The following TBX20 variants were observed in gnomAD, a reference collection of about 807,000 sequenced individuals.
The protein encoded by TBX20 is T-box transcription factor 20.
TBX20 carries 8 observed loss-of-function variants against 42.9 expected under a neutral mutation model. The observed-to-expected ratio is 0.19, with a 90% CI of 0.11 to 0.34. The LOEUF (loss-of-function observed/expected upper bound fraction) is 0.34. Ranked by LOEUF, TBX20 falls within the 10% of genes least tolerant of loss-of-function variation. The pLI is 1.00. For synonymous variants in TBX20, 198 were observed against 222.8 expected, an observed-to-expected ratio of 0.89 and a Z score of 0.99; for missense variants, 411 against 566.0, an observed-to-expected ratio of 0.73 and a Z score of 2.78.
At chr7:35,214,595 T>C (rs1464132964) in intron 6 of TBX20, among the ~76,000 whole-genome samples, 1 of 152,134 alleles carries the variant, frequency 6.6e-6, no homozygotes, top group Non-Finnish European at 1.5e-5. Context: ...CACCTGATAA[T>C]GTTGAACCCC....
At chr7:35,210,886 T>C (rs926046038) in intron 6 of TBX20, among the ~76,000 whole-genome samples, 1 of 152,188 alleles carries the variant, frequency 6.6e-6, no homozygotes, top group African/African-American at 2.4e-5. Context: ...TTATATTTAA[T>C]GAGATTATTG....
At chr7:35,221,843 C>T (rs185299021) in intron 6 of TBX20, among the ~76,000 whole-genome samples, 3 of 152,174 alleles carry the variant, frequency 2.0e-5, no homozygotes, top group Admixed American at 6.5e-5. Flanking sequence ...TGTGGCCAAT[C>T]TATCACAATC....
chr7:35,203,856 C>G (rs540517958), intron 7 of TBX20, among the ~76,000 whole-genome samples: 2 of 152,176 alleles, frequency 1.3e-5, no homozygotes, highest in Admixed American at 1.3e-4. Context: ...TCTCCCCATA[C>G]GAACTTTACT....
At chr7:35,241,104 T>C in intron 4 of TBX20, 67 bp from the exon 5 acceptor site, 2 of 1,445,024 alleles carry the variant, frequency 1.4e-6, no homozygotes, top group Non-Finnish European at 1.9e-6. Context: ...CAAATTACAG[T>C]GAGGCAAGAA....
At chr7:35,239,384 C>T (rs1790030914) in intron 5 of TBX20, among the ~76,000 whole-genome samples, 1 of 152,164 alleles carries the variant, frequency 6.6e-6, no homozygotes, top group Non-Finnish European at 1.5e-5. Flanking sequence ...AAGAGGAGAG[C>T]AATAGTCTTG....
chr7:35,238,972 A>G (rs1468791810), intron 5 of TBX20, among the ~76,000 whole-genome samples: 1 of 152,076 alleles, frequency 6.6e-6, no homozygotes, highest in African/African-American at 2.4e-5. Context: ...TTATTTACAG[A>G]GCACCTTACA....
At chr7:35,251,399 C>A (rs1479842229) in intron 1 of TBX20, among the ~76,000 whole-genome samples, 1 of 152,114 alleles carries the variant, frequency 6.6e-6, no homozygotes, top group Non-Finnish European at 1.5e-5. Context: ...ACTTCTCATG[C>A]AATGATAATC....
At position 35,222,716 on chromosome 7, in the gene TBX20, T is replaced by C. The variant is rs1327584487; in HGVS notation, c.890+8788A>G. Reference sequence around the variant, plus strand: ...CCTCAGGCTGGGACAGCCCTCGCCATGTTCAAGAAATGTAATCAGGTCTGT... The same window carrying C: ...CCTCAGGCTGGGACAGCCCTCGCCACGTTCAAGAAATGTAATCAGGTCTGT... On this transcript the variant is annotated intron_variant, in intron 6 of 7. Transcript: ENST00000408931. Among the ~76,000 whole-genome samples the C allele has an allele frequency of 3.9e-5, 6 of 152,082 alleles. 1 individual carries two copies. The highest frequency in any genetic ancestry group is 1.4e-4 in the African/African-American group (6 of 41,398).
At chr7:35,248,580 T>C in intron 3 of TBX20, 97 bp downstream of exon 3, 1 of 1,383,414 alleles carries the variant, frequency 7.2e-7, no homozygotes, top group Non-Finnish European at 1.0e-6. Context: ...CAGAGCCCGC[T>C]GCTTTAAAAA....
At chr7:35,227,044 G>T (rs1292633269) in intron 6 of TBX20, among the ~76,000 whole-genome samples, 3 of 146,814 alleles carry the variant, frequency 2.0e-5, no homozygotes, top group African/African-American at 5.1e-5. Context: ...TGATGTGTGT[G>T]ATTATGTCTT....
intron 3 of TBX20, among the ~76,000 whole-genome samples, chr7:35,247,474 G>A (rs141556795): frequency 0.011 from 1,702 of 152,108 alleles, 31 homozygotes; most frequent in African/African-American, 0.039. Context: ...TCTCTTCCGA[G>A]AATGGAAAAC....
chr7:35,223,558 A>G (rs1400777942), intron 6 of TBX20, among the ~76,000 whole-genome samples: 1 of 152,224 alleles, frequency 6.6e-6, no homozygotes, highest in Non-Finnish European at 1.5e-5. Context: ...AGTGGAATAA[A>G]AAACAGAAGA....
intron 5 of TBX20, among the ~76,000 whole-genome samples, chr7:35,236,989 A>G (rs1048419804): frequency 1.1e-4 from 16 of 152,074 alleles, no homozygotes; most frequent in African/African-American, 3.6e-4. Flanking sequence ...ATCTTCAGCT[A>G]TTTTCATTAC....
chr7:35,242,966 A>C (rs1790111671), intron 4 of TBX20, among the ~76,000 whole-genome samples: 1 of 152,124 alleles, frequency 6.6e-6, no homozygotes, highest in South Asian at 2.1e-4. Context: ...TTCTGGTGAC[A>C]AAGGGTTATA....
intron 6 of TBX20, among the ~76,000 whole-genome samples, chr7:35,228,989 A>ATG (rs1789823195): frequency 6.6e-6 from 1 of 152,104 alleles, no homozygotes; most frequent in African/African-American, 2.4e-5. Context: ...GAAAACTAAA[A>ATG]CACCTTTAAG....
chr7:35,220,429 C>A (rs539547589), intron 6 of TBX20, among the ~76,000 whole-genome samples: 1 of 152,346 alleles, frequency 6.6e-6, no homozygotes, highest in South Asian at 2.1e-4. Flanking sequence ...GGTGAGGGAA[C>A]CAGCACTGCC....
chr7:35,244,191 T>A (rs1252374757), intron 4 of TBX20, among the ~76,000 whole-genome samples: 1 of 152,230 alleles, frequency 6.6e-6, no homozygotes, highest in African/African-American at 2.4e-5. Context: ...TTTTTATGTG[T>A]ATCTTTATTT....
chr7:35,229,951 C>T (rs1348304101), intron 6 of TBX20, among the ~76,000 whole-genome samples: 2 of 152,222 alleles, frequency 1.3e-5, no homozygotes, highest in Non-Finnish European at 2.9e-5. Context: ...GGATCACTCA[C>T]CCAGGAAAAG....
chr7:35,232,104 C>T (rs1789877402), intron 5 of TBX20, among the ~76,000 whole-genome samples: 1 of 152,134 alleles, frequency 6.6e-6, no homozygotes, highest in African/African-American at 2.4e-5. Flanking sequence ...ATATACATGA[C>T]ATAAATACAT....
Sources: allele counts gnomAD v4.1 joint callset (sites outside exome capture counted in the v4.1 genomes callset), GRCh38; gene constraint gnomAD v4.1.1; transcripts MANE v1.5; gene names NCBI Gene and HGNC (gene_info 2026-07-23, HGNC 2026-07-21).